The following UBA2 variants were observed in gnomAD, a reference collection of about 807,000 sequenced individuals.
UBA2 encodes SUMO-activating enzyme subunit 2.
In UBA2, 11 loss-of-function variants were observed where a neutral mutation model predicts 77.2. That is an observed-to-expected ratio of 0.14 (90% CI 0.09 to 0.24). UBA2 has a LOEUF of 0.24. Ranked by LOEUF, UBA2 falls within the 10% of genes least tolerant of loss-of-function variation. UBA2 has a pLI of 1.00. For synonymous variants in UBA2, 278 were observed against 276.7 expected (o/e 1.00, Z -0.05); for missense variants, 487 against 781.7 (o/e 0.62, Z 4.50).
intron 12 of UBA2, among the ~76,000 whole-genome samples, chr19:34,455,004 T>C (rs192030897): frequency 7.9e-4 from 121 of 152,356 alleles, no homozygotes; most frequent in African/African-American, 2.8e-3. Flanking sequence ...TCATTTCTGC[T>C]ATTTCTCGTA....
intron 4 of UBA2, among the ~76,000 whole-genome samples, chr19:34,434,157 C>T (rs1207333658): frequency 6.6e-6 from 1 of 152,128 alleles, no homozygotes; most frequent in Non-Finnish European, 1.5e-5. Flanking sequence ...CACTGTTGCC[C>T]AGACTAGAGT....
At chr19:34,448,808 C>T (rs1358516622) in intron 8 of UBA2, among the ~76,000 whole-genome samples, 1 of 152,154 alleles carries the variant, frequency 6.6e-6, no homozygotes, top group African/African-American at 2.4e-5. Flanking sequence ...GGACATGATA[C>T]ACCACAGAGG....
intron 16 of UBA2, 21 bp from the exon 17 acceptor site, chr19:34,469,019 T>G (rs758934169): frequency 1.3e-6 from 2 of 1,581,536 alleles, no homozygotes; most frequent in Non-Finnish European, 1.7e-6. Context: ...CATTTTCTTT[T>G]TCCCTTTTTT....
chr19:34,428,985 C>T (rs2075220103), intron 1 of UBA2: 1 of 985,642 alleles, frequency 1.0e-6, no homozygotes, highest in African/African-American at 1.7e-5. Context: ...CGACGCGGGG[C>T]GGAGGATGGC....
Position 34,469,041 on chromosome 19 carries a change from T to C in UBA2, c.1743T>C (p.Ala581=), listed in dbSNP as rs777055477. 1 of 1,602,194 alleles carries C rather than the reference T, an allele frequency of 6.2e-7. No individual in the cohort carries two copies. Among genetic ancestry groups the C allele is most frequent in the Non-Finnish European group, 8.5e-7 (1 of 1,176,024 alleles). ...TTTTTCCCTTTTTTCTGAAATAAGC[T>C]CAAGAGCAAGATGACGTTCTCATAG... The part of the protein sequence containing the change: ...DDGAQPSTST[A]QEQDDVLIVD... Residue 581 remains alanine, a splice_region_variant and synonymous_variant, in exon 17 of 17, where the codon GCT becomes GCC. Transcript: ENST00000246548.
intron 8 of UBA2, among the ~76,000 whole-genome samples, chr19:34,449,927 C>T (rs1312557818): frequency 2.6e-5 from 4 of 152,106 alleles, no homozygotes; most frequent in African/African-American, 9.7e-5. Flanking sequence ...ACATAATGTA[C>T]ATTTATTTGT....
chr19:34,457,676 A>G (rs1219626374), intron 12 of UBA2, among the ~76,000 whole-genome samples: 1 of 152,098 alleles, frequency 6.6e-6, no homozygotes, highest in Non-Finnish European at 1.5e-5. Flanking sequence ...TCTCAGGGGA[A>G]TCCGTAGAGT....
At chr19:34,468,172 T>A (rs945417348) in intron 16 of UBA2, among the ~76,000 whole-genome samples, 2 of 152,190 alleles carry the variant, frequency 1.3e-5, no homozygotes, top group African/African-American at 4.8e-5. Context: ...GGTTACCAGA[T>A]TTTGACTTCT....
In UBA2 at chr19:34,457,183, T is replaced by A. The variant is rs867391482; in HGVS notation, c.1246-1586T>A. On this transcript the variant is annotated intron_variant, in intron 12 of 16. Coordinates refer to ENST00000246548, the MANE Select transcript of UBA2 (RefSeq NM_005499.3). The stretch of plus-strand genomic sequence containing the variant: ...GTCTCTACTAAAAAAAAAAAAAATA[T>A]ATATATATATATATATATATATATA... Among the ~76,000 whole-genome samples the A allele has an allele frequency of 6.3e-3, 670 of 106,212 alleles. 8 individuals are homozygous for A. The highest frequency in any genetic ancestry group is 9.3e-3 in the South Asian group (26 of 2,792). 69.7% of individuals were successfully genotyped at this position (106,212 alleles called of 152,430 possible).
chr19:34,456,218 G>A (rs1427605471), intron 12 of UBA2, among the ~76,000 whole-genome samples: 1 of 144,730 alleles, frequency 6.9e-6, no homozygotes, highest in Non-Finnish European at 1.5e-5. Flanking sequence ...GGGTTCTAGC[G>A]ATTCTCCTGC....
At chr19:34,444,901 A>C in intron 7 of UBA2, 99 bp from the exon 8 acceptor site, 1 of 1,280,322 alleles carries the variant, frequency 7.8e-7, no homozygotes, top group Non-Finnish European at 1.1e-6. Context: ...GCATTTGGGG[A>C]TTTCCATGAG....
rs1271296017 is a variant in UBA2, at chr19:34,460,431, C to T, written c.1402-39C>T. The T allele has an allele frequency of 2.4e-6, 3 of 1,276,148 alleles. No individual in the cohort carries two copies. The South Asian group carries it at 4.1e-5, about 17-fold the overall frequency. The allele number at this position is 1,276,148 out of a possible 1,614,324, so 79.1% of individuals were successfully genotyped here. ...AGGATTTCTTATGATCTTTAATTACCTACGTTAATATTTTGAATCCTTTTT... is the reference window on the plus strand; with the variant it reads ...AGGATTTCTTATGATCTTTAATTACTTACGTTAATATTTTGAATCCTTTTT... On this transcript the variant is annotated intron_variant, in intron 13 of 16. Transcript: ENST00000246548.
chr19:34,454,023 G>C (rs1445543234), intron 10 of UBA2, among the ~76,000 whole-genome samples: 1 of 151,998 alleles, frequency 6.6e-6, no homozygotes, highest in African/African-American at 2.4e-5. Flanking sequence ...GGTGATTCTT[G>C]GTGTTCTTGT....
chr19:34,429,575 C>T (rs2075228316), intron 1 of UBA2, among the ~76,000 whole-genome samples: 1 of 152,096 alleles, frequency 6.6e-6, no homozygotes, highest in African/African-American at 2.4e-5. Flanking sequence ...TGGATGAAGG[C>T]TTGAATTAAG....
In UBA2 at chr19:34,428,394, C is replaced by CCCGCCT. The variant is rs777497418; in HGVS notation, c.-27_-22dup. The CCCGCCT allele has an allele frequency of 8.2e-5, 101 of 1,234,916 alleles. No individual in the cohort carries two copies. Among genetic ancestry groups the CCCGCCT allele is most frequent in the African/African-American group, 2.9e-4 (19 of 64,658 alleles). 76.5% of individuals were successfully genotyped at this position (1,234,916 alleles called of 1,614,324 possible). A position where few individuals can be genotyped will look rare whatever the true frequency, so the allele number is the denominator to read the frequency against. On this transcript the variant is annotated 5_prime_UTR_variant, in exon 1 of 17. Transcript: ENST00000246548. ...CCGCTTCCGGCCGCGGCTCGGTTCT[C>CCCGCCT]CCGCCTCCGCCTCCGCCGCGGCTCG...
chr19:34,437,805 G>A (rs2145501768), intron 5 of UBA2, among the ~76,000 whole-genome samples: 1 of 152,164 alleles, frequency 6.6e-6, no homozygotes, highest in African/African-American at 2.4e-5. Flanking sequence ...TGTAATCCCA[G>A]CACTTTTGGG....
At chr19:34,432,135 CT>C in intron 3 of UBA2, 1 of 370,786 alleles carries the variant, frequency 2.7e-6, no homozygotes, top group African/African-American at 2.1e-5. Context: ...TAGTTTAATA[CT>C]TTTAATAAAT....
Position 34,454,349 on chromosome 19 carries a change from C to A in UBA2, c.1128C>A (p.Ile376=), listed in dbSNP as rs2075535182. ...FSMNMKSRFD[I]KSMAGNIIPA... ...TGAATATGAAGAGTAGATTTGATAT[C>A]AAATGTAAGTTATTTGTACTAAAGT... is the stretch of plus-strand genomic sequence containing the variant. The change falls in exon 11 of 17, where the codon ATC becomes ATA. Residue 376 remains isoleucine (I), a synonymous_variant. Transcript: ENST00000246548. The A allele has an allele frequency of 6.2e-7, 1 of 1,609,064 alleles. No homozygotes were observed. Among genetic ancestry groups the A allele is most frequent in the South Asian group, 1.1e-5 (1 of 89,910 alleles).
chr19:34,428,821 G>T (rs1211860967), intron 1 of UBA2: 1 of 1,154,564 alleles, frequency 8.7e-7, no homozygotes, highest in Non-Finnish European at 1.1e-6. Context: ...CGCCTCCCCG[G>T]CAGCGCCAAT....
Sources: gnomAD v4.1 joint callset for allele counts (sites outside exome capture counted in the v4.1 genomes callset) on GRCh38, gnomAD v4.1.1 for gene constraint, MANE v1.5 for transcripts, NCBI Gene and HGNC (gene_info 2026-07-23, HGNC 2026-07-21) for gene names.